The following CDK14 variants were observed in gnomAD, a reference collection of about 807,000 sequenced individuals.
The protein encoded by CDK14 is cyclin-dependent kinase 14.
A neutral mutation model predicts 60.7 loss-of-function variants in CDK14; 34 were observed. The observed-to-expected ratio is 0.56, with a 90% CI of 0.43 to 0.75. The LOEUF (loss-of-function observed/expected upper bound fraction) is 0.75, where lower values mean the gene tolerates loss of function less well. Among genes scored for constraint, CDK14 ranks in the 30% least tolerant of loss-of-function variants. The pLI, the probability that CDK14 is intolerant of heterozygous loss-of-function variation, is 0.00. For missense variants in CDK14, 482 were observed against 564.1 expected, an observed-to-expected ratio of 0.85 and a Z score of 1.47; for synonymous variants, 197 against 203.7, an observed-to-expected ratio of 0.97 and a Z score of 0.28.
chr7:90,712,292 G>T lies in CDK14; in HGVS notation c.124-14275G>T, dbSNP rs181978463. 2.3e-4 allele frequency among the ~76,000 whole-genome samples: 35 copies of T among 151,866 alleles called. 1 individual carries two copies. The highest frequency in any genetic ancestry group is 7.7e-4 in the African/African-American group (32 of 41,440). ...AACCCTACCCTGCTCTCATTAAATA[G>T]TAACTCCCCATTCCCCTTCCCCCTG... On this transcript the variant is annotated intron_variant, in intron 2 of 14. Transcript: ENST00000380050.
chr7:90,795,902 G>A (rs17394921), intron 5 of CDK14, among the ~76,000 whole-genome samples: 20,860 of 152,122 alleles, frequency 0.14, 1,681 homozygotes, highest in Middle Eastern at 0.24. Flanking sequence ...TGACAAGCAG[G>A]CCCATCAGTG....
chr7:91,123,433 G>A (rs748182726), intron 14 of CDK14, among the ~76,000 whole-genome samples: 2 of 152,052 alleles, frequency 1.3e-5, no homozygotes, highest in African/African-American at 4.8e-5. Context: ...TTCTTTGCAG[G>A]TTTCATCTGG....
intron 12 of CDK14, among the ~76,000 whole-genome samples, chr7:91,105,963 G>T (rs1174782193): frequency 6.6e-6 from 1 of 152,158 alleles, no homozygotes; most frequent in Non-Finnish European, 1.5e-5. Flanking sequence ...TGGCTCTGAA[G>T]TAATTGCCCA....
At chr7:90,781,190 G>C in intron 4 of CDK14, among the ~76,000 whole-genome samples, 1 of 152,172 alleles carries the variant, frequency 6.6e-6, no homozygotes, top group Non-Finnish European at 1.5e-5. Flanking sequence ...TTTTTCATGT[G>C]TTTTTTGGCT....
At chr7:91,069,107 A>G (rs1344871261) in intron 11 of CDK14, among the ~76,000 whole-genome samples, 2 of 152,252 alleles carry the variant, frequency 1.3e-5, no homozygotes, top group Non-Finnish European at 2.9e-5. Context: ...AAATAATTGC[A>G]TAGTGTTTAA....
chr7:91,075,646 G>C (rs1457583584), intron 11 of CDK14, among the ~76,000 whole-genome samples: 1 of 152,098 alleles, frequency 6.6e-6, no homozygotes, highest in African/African-American at 2.4e-5. Flanking sequence ...AGAAATAAAG[G>C]ATATTCAAAT....
chr7:90,916,406 A>G (rs577233153), intron 7 of CDK14, among the ~76,000 whole-genome samples: 2 of 152,322 alleles, frequency 1.3e-5, no homozygotes, highest in East Asian at 1.9e-4. Context: ...TGCCCCATAC[A>G]TATTCTCGCA....
chr7:91,155,698 TA>T (rs1284123054), intron 14 of CDK14, among the ~76,000 whole-genome samples: 3 of 152,320 alleles, frequency 2.0e-5, no homozygotes, highest in African/African-American at 7.2e-5. Context: ...TTTTATACAA[TA>T]ATAACTTGCA....
At chr7:90,709,086 A>C (rs1382334051) in intron 2 of CDK14, among the ~76,000 whole-genome samples, 1 of 151,558 alleles carries the variant, frequency 6.6e-6, no homozygotes. Context: ...AAGTCCACCA[A>C]AAATTCTGCA....
intron 8 of CDK14, among the ~76,000 whole-genome samples, chr7:90,953,449 A>T (rs1365501754): frequency 6.6e-6 from 1 of 152,172 alleles, no homozygotes; most frequent in African/African-American, 2.4e-5. Context: ...AATGTAGATA[A>T]AGCACTTTTT....
At chr7:90,968,717 A>T (rs1033069999) in intron 9 of CDK14, among the ~76,000 whole-genome samples, 17 of 152,184 alleles carry the variant, frequency 1.1e-4, no homozygotes, top group African/African-American at 4.1e-4. Flanking sequence ...TATAGAAATA[A>T]ATAAATTTCC....
intron 11 of CDK14, among the ~76,000 whole-genome samples, chr7:91,078,504 G>A (rs1798387269): frequency 6.6e-6 from 1 of 152,148 alleles, no homozygotes; most frequent in Non-Finnish European, 1.5e-5. Context: ...CTACTTGGGA[G>A]GCTGAGGCAG....
chr7:91,019,024 A>G (rs568690692), intron 10 of CDK14, among the ~76,000 whole-genome samples: 4 of 152,104 alleles, frequency 2.6e-5, no homozygotes, highest in African/African-American at 4.8e-5. Flanking sequence ...TAGCCTGTGA[A>G]TTCTGGGGGG....
At chr7:90,981,784 C>T (rs904931945) in intron 9 of CDK14, among the ~76,000 whole-genome samples, 1 of 84,330 alleles carries the variant, frequency 1.2e-5, no homozygotes, top group African/African-American at 4.5e-5. Context: ...GGAGAATTTC[C>T]AGGAGGTAGA....
intron 10 of CDK14, among the ~76,000 whole-genome samples, chr7:91,004,682 G>A (rs1186805526): frequency 2.6e-5 from 4 of 152,180 alleles, no homozygotes; most frequent in Non-Finnish European, 5.9e-5. Flanking sequence ...GCGGTGAGTA[G>A]CGTGCAGATC....
intron 10 of CDK14, among the ~76,000 whole-genome samples, chr7:91,027,550 CA>C (rs1264965311): frequency 3.9e-5 from 6 of 152,110 alleles, no homozygotes; most frequent in Admixed American, 3.3e-4. Flanking sequence ...TCTTGACCCA[CA>C]AGCTTTTAGG....
At chr7:90,912,784 T>C (rs1001602780) in intron 7 of CDK14, among the ~76,000 whole-genome samples, 3 of 151,520 alleles carry the variant, frequency 2.0e-5, no homozygotes, top group African/African-American at 7.3e-5. Flanking sequence ...AGTTTTTCTA[T>C]TTTTTTTGGT....
chr7:90,974,169 G>A (rs188686050), intron 9 of CDK14, among the ~76,000 whole-genome samples: 14 of 152,192 alleles, frequency 9.2e-5, no homozygotes, highest in African/African-American at 2.4e-4. Flanking sequence ...GGCTTTCTAC[G>A]AGAAGGAAAA....
intron 9 of CDK14, among the ~76,000 whole-genome samples, chr7:90,965,136 C>G (rs1794713535): frequency 6.6e-6 from 1 of 152,148 alleles, no homozygotes; most frequent in South Asian, 2.1e-4. Flanking sequence ...TTTCTTATCT[C>G]AGACTTCATT....
Sources: allele counts gnomAD v4.1 joint callset (sites outside exome capture counted in the v4.1 genomes callset), GRCh38; gene constraint gnomAD v4.1.1; transcripts MANE v1.5; gene names NCBI Gene and HGNC (gene_info 2026-07-23, HGNC 2026-07-21).